The following GLCCI1 variants were observed in gnomAD, a reference collection of about 807,000 sequenced individuals.
GLCCI1 encodes glucocorticoid-induced transcript 1 protein.
A neutral mutation model predicts 52.2 loss-of-function variants in GLCCI1; 24 were observed. The ratio of observed to expected loss-of-function variants is 0.46; its 90% CI spans 0.33 to 0.65. The LOEUF (loss-of-function observed/expected upper bound fraction) is 0.65. GLCCI1 is among the 30% of genes least tolerant of loss of function. The pLI, the probability that GLCCI1 is intolerant of heterozygous loss-of-function variation, is 0.02. For missense variants in GLCCI1, 704 were observed against 701.5 expected, an observed-to-expected ratio of 1.00 and a Z score of -0.04; for synonymous variants, 310 against 276.5, an observed-to-expected ratio of 1.12 and a Z score of -1.20.
At chr7:7,996,357 C>T (rs375868509) in intron 1 of GLCCI1, among the ~76,000 whole-genome samples, 1 of 151,984 alleles carries the variant, frequency 6.6e-6, no homozygotes, top group Non-Finnish European at 1.5e-5. Context: ...AAAGGACTAT[C>T]ATTCTGCCAC....
Position 8,040,525 on chromosome 7 carries a change from AACACACACACACAC to A in GLCCI1, c.697-14885_697-14872del, listed in dbSNP as rs58561376. 1.1e-4 allele frequency among the ~76,000 whole-genome samples: 16 copies of A among 145,324 alleles called. 1 individual carries two copies. The South Asian group carries it at 2.5e-3, about 23-fold the overall frequency. Reference sequence around the variant, plus strand: ...TTAAAAACCATAGTGAGATATAATTAACACACACACACACACACACACACACACACACACACCAA... The same window carrying A: ...TTAAAAACCATAGTGAGATATAATTAACACACACACACACACACACACCAA... On this transcript the variant is annotated intron_variant, in intron 3 of 7. Transcript: ENST00000223145.
At chr7:8,068,795 C>T (rs1437804105) in intron 5 of GLCCI1, among the ~76,000 whole-genome samples, 3 of 152,188 alleles carry the variant, frequency 2.0e-5, no homozygotes, top group Admixed American at 6.5e-5. Context: ...ATAATTTGTA[C>T]AGTCGGTTGA....
chr7:7,980,749 C>T, intron 1 of GLCCI1: 1 of 685,096 alleles, frequency 1.5e-6, no homozygotes, highest in Non-Finnish European at 2.7e-6. Context: ...TCTAGATTAC[C>T]TTGATGGTAC....
chr7:8,073,471 C>T (rs766370307), intron 6 of GLCCI1, among the ~76,000 whole-genome samples: 3 of 152,024 alleles, frequency 2.0e-5, no homozygotes, highest in Non-Finnish European at 4.4e-5. Context: ...CAGATATCTG[C>T]CTGCATAACA....
intron 2 of GLCCI1, among the ~76,000 whole-genome samples, chr7:8,016,445 G>A (rs1438019064): frequency 6.6e-6 from 1 of 152,210 alleles, no homozygotes; most frequent in East Asian, 1.9e-4. Context: ...CTCCAGCCTG[G>A]ACGACAGAGC....
chr7:8,064,087 G>T (rs955598642), intron 5 of GLCCI1, among the ~76,000 whole-genome samples: 4 of 152,124 alleles, frequency 2.6e-5, no homozygotes, highest in Admixed American at 2.6e-4. Flanking sequence ...CTATTGTTGT[G>T]CAGAAGCTCT....
intron 1 of GLCCI1, among the ~76,000 whole-genome samples, chr7:7,972,196 A>G (rs1006817575): frequency 6.6e-6 from 1 of 152,190 alleles, no homozygotes; most frequent in Non-Finnish European, 1.5e-5. Context: ...TCCACTGGTC[A>G]AGGTTCCTGC....
chr7:8,060,499 A>G (rs1782489616), intron 5 of GLCCI1, among the ~76,000 whole-genome samples: 1 of 152,182 alleles, frequency 6.6e-6, no homozygotes, highest in South Asian at 2.1e-4. Context: ...TTTCCCTGTA[A>G]TACTCTTGGC....
At chr7:7,994,645 C>A (rs1410289223) in intron 1 of GLCCI1, among the ~76,000 whole-genome samples, 1 of 152,210 alleles carries the variant, frequency 6.6e-6, no homozygotes, top group Non-Finnish European at 1.5e-5. Context: ...TTAATACCAT[C>A]AGAGTGGCAA....
Position 7,981,647 on chromosome 7 carries a change from C to A in GLCCI1, c.457+11840C>A, listed in dbSNP as rs1780623962. The stretch of plus-strand genomic sequence containing the variant: ...GAAAAGGAAGAAGATTATGAGAAAG[C>A]CTTCTTCAAAATGGACAATATACTT... On this transcript the variant is annotated intron_variant, in intron 1 of 7. Transcript: ENST00000223145. The A allele has an allele frequency of 1.4e-5, 3 of 217,850 alleles. No individual in the cohort carries two copies. In the South Asian group the frequency reaches 1.8e-4, roughly 13 times the overall value. 13.5% of individuals were successfully genotyped at this position (217,850 alleles called of 1,614,324 possible).
At chr7:8,074,727 CAATA>C (rs1481933292) in intron 6 of GLCCI1, among the ~76,000 whole-genome samples, 7 of 152,124 alleles carry the variant, frequency 4.6e-5, no homozygotes, top group Non-Finnish European at 7.3e-5. Context: ...ATGTTTTCTA[CAATA>C]AATCATAAAT....
rs776478554 is a variant in GLCCI1, at chr7:8,003,951, A to G, written c.501A>G (p.Ile167Met). 3.7e-6 allele frequency: 6 copies of G among 1,613,778 alleles called. No individual in the cohort carries two copies. In the South Asian group the frequency reaches 5.5e-5, roughly 15 times the overall value. Residue 167 changes from isoleucine to methionine, a missense_variant, in exon 2 of 8, where the codon ATA (isoleucine) becomes ATG (methionine). By Grantham distance (10) the Ile-to-Met change is conservative (BLOSUM62 1). This residue lies in a region of GLCCI1 where 547 missense variants were observed against 524.8 expected (regional missense o/e 1.04). Transcript: ENST00000223145. ...AGCAAGTTCGGACCTCTAGTACAAT[A>G]AGGCGAACCTCCTCTTTGGATACAA... is the stretch of plus-strand genomic sequence containing the variant. Reference protein sequence around the residue: ...KSQQVRTSSTIRRTSSLDTIT... With the variant: ...KSQQVRTSSTMRRTSSLDTIT...
intron 1 of GLCCI1, among the ~76,000 whole-genome samples, chr7:7,998,724 T>G (rs914620034): frequency 6.6e-6 from 1 of 152,220 alleles, no homozygotes; most frequent in African/African-American, 2.4e-5. Context: ...TAATAGCTAC[T>G]GACCTTTTGA....
chr7:8,066,978 G>A (rs1039004664), intron 5 of GLCCI1, among the ~76,000 whole-genome samples: 14 of 152,086 alleles, frequency 9.2e-5, no homozygotes, highest in Admixed American at 6.6e-4. Context: ...ACTGGCAGTC[G>A]GGTGTTGAAG....
At chr7:8,016,688 T>C (rs1781388905) in intron 2 of GLCCI1, among the ~76,000 whole-genome samples, 1 of 152,136 alleles carries the variant, frequency 6.6e-6, no homozygotes, top group Admixed American at 6.5e-5. Context: ...TAACAGCTTT[T>C]GGGGGACAAC....
intron 2 of GLCCI1, among the ~76,000 whole-genome samples, chr7:8,021,808 G>T (rs1781497586): frequency 6.6e-6 from 1 of 152,126 alleles, no homozygotes; most frequent in African/African-American, 2.4e-5. Context: ...TCTATTAATG[G>T]CTAAATAACT....
chr7:8,078,174 A>AC (rs1782916083), intron 6 of GLCCI1, among the ~76,000 whole-genome samples: 1 of 138,616 alleles, frequency 7.2e-6, no homozygotes, highest in South Asian at 2.3e-4. Context: ...ACACCACTGC[A>AC]CTCCAGCCTG....
At chr7:8,035,431 G>C (rs549716531) in intron 3 of GLCCI1, among the ~76,000 whole-genome samples, 1 of 152,304 alleles carries the variant, frequency 6.6e-6, no homozygotes, top group Non-Finnish European at 1.5e-5. Context: ...TCCTATGGGA[G>C]GTTGGTACAG....
At chr7:8,032,433 A>G (rs1192231100) in intron 3 of GLCCI1, among the ~76,000 whole-genome samples, 2 of 152,064 alleles carry the variant, frequency 1.3e-5, no homozygotes, top group Non-Finnish European at 2.9e-5. Context: ...ATGAAACAGA[A>G]AAGTACTAGA....
Sources: allele counts gnomAD v4.1 joint callset (sites outside exome capture counted in the v4.1 genomes callset), GRCh38; gene constraint gnomAD v4.1.1; regional missense constraint gnomAD v4.1.1; transcripts MANE v1.5; gene names NCBI Gene and HGNC (gene_info 2026-07-23, HGNC 2026-07-21).